Variants in ARMH3 observed in about 807,000 individuals in gnomAD.
ARMH3 encodes armadillo-like helical domain-containing protein 3.
In ARMH3, 60 loss-of-function variants were observed where a neutral mutation model predicts 99.1. The ratio of observed to expected loss-of-function variants is 0.61; its 90% CI spans 0.49 to 0.75. ARMH3 has a LOEUF of 0.75. Ranked by LOEUF, ARMH3 falls within the 30% of genes least tolerant of loss-of-function variation. The pLI is 0.00. For synonymous variants in ARMH3, 285 were observed against 292.8 expected, an observed-to-expected ratio of 0.97 and a Z score of 0.27; for missense variants, 679 against 843.1, an observed-to-expected ratio of 0.81 and a Z score of 2.41.
At chr10:101,881,347 A>ACAC (rs1371916332) in intron 24 of ARMH3, among the ~76,000 whole-genome samples, 1 of 152,158 alleles carries the variant, frequency 6.6e-6, no homozygotes, top group Non-Finnish European at 1.5e-5. Context: ...GTTGAAAAGA[A>ACAC]CACCACCTTC....
Position 102,001,977 on chromosome 10 carries a change from T to C in ARMH3, c.1144A>G (p.Thr382Ala). 1 of 1,614,128 alleles carries C rather than the reference T, an allele frequency of 6.2e-7. No individual in the cohort carries two copies. The highest frequency in any genetic ancestry group is 8.5e-7 in the Non-Finnish European group (1 of 1,179,978). ...CAAAATAGCTATGGCTTACCTTTGG[T>C]GTCCTGCATGACAATTGAGCTATAC... is the stretch of plus-strand genomic sequence containing the variant. ...LKYSSIVMQD[T>A]KDEHRLHSGK... Residue 382 changes from threonine (T) to alanine (A), a missense_variant, in exon 15 of 26, where the codon ACC becomes GCC. Around this residue, in one of 3 missense-constraint regions of ARMH3, gnomAD observed 389 missense variants for 456.5 expected, o/e 0.85. Transcript: ENST00000370033.
At chr10:102,023,377 T>C in intron 8 of ARMH3, 100 bp downstream of exon 8, 1 of 1,060,988 alleles carries the variant, frequency 9.4e-7, no homozygotes, top group Non-Finnish European at 1.4e-6. Flanking sequence ...ATATACCATT[T>C]ACCAAGAACG....
At chr10:102,006,308 C>G (rs1474780844) in intron 14 of ARMH3, among the ~76,000 whole-genome samples, 1 of 152,234 alleles carries the variant, frequency 6.6e-6, no homozygotes, top group African/African-American at 2.4e-5. Context: ...TACAACTACT[C>G]CCTGAGGAGG....
chr10:101,869,294 C>T (rs899522556), intron 24 of ARMH3, among the ~76,000 whole-genome samples: 2 of 97,074 alleles, frequency 2.1e-5, no homozygotes, highest in Non-Finnish European at 4.4e-5. Flanking sequence ...GAAAACAACT[C>T]AACAACAAGG....
At chr10:101,951,863 G>A (rs1174139488) in intron 22 of ARMH3, among the ~76,000 whole-genome samples, 3 of 131,468 alleles carry the variant, frequency 2.3e-5, no homozygotes, top group Middle Eastern at 3.6e-3. Flanking sequence ...GCGAGACTCC[G>A]TCTCAAAAAA....
At chr10:101,933,315 GA>G (rs1170750696) in intron 23 of ARMH3, among the ~76,000 whole-genome samples, 1 of 152,172 alleles carries the variant, frequency 6.6e-6, no homozygotes, top group Non-Finnish European at 1.5e-5. Context: ...AGGGGGTTTA[GA>G]TGCTAAAGTC....
intron 23 of ARMH3, among the ~76,000 whole-genome samples, chr10:101,920,198 G>A (rs907093721): frequency 6.6e-6 from 1 of 152,240 alleles, no homozygotes; most frequent in Non-Finnish European, 1.5e-5. Context: ...AGTTGCTGCT[G>A]TAGTGTGGCC....
At chr10:102,048,600 T>C (rs2067614514) in intron 1 of ARMH3, among the ~76,000 whole-genome samples, 1 of 151,952 alleles carries the variant, frequency 6.6e-6, no homozygotes, top group African/African-American at 2.4e-5. Context: ...CTAATTTTAG[T>C]ATTTTTTTGT....
intron 14 of ARMH3, among the ~76,000 whole-genome samples, chr10:102,002,885 C>T (rs1039118968): frequency 2.0e-5 from 3 of 151,370 alleles, no homozygotes; most frequent in South Asian, 4.2e-4. Context: ...TGCTTGAAAC[C>T]GGGAGGCGGA....
Position 102,012,819 on chromosome 10 carries a change from A to G in ARMH3, c.770+14T>C. On this transcript the variant is annotated intron_variant, in intron 10 of 25. Transcript: ENST00000370033. ...AAAATCAGACCCCCTTCCATTCTGGAAAGGTGGACTTACCTGTTGTACTCA... is the reference window on the plus strand; with the variant it reads ...AAAATCAGACCCCCTTCCATTCTGGGAAGGTGGACTTACCTGTTGTACTCA... The G allele has an allele frequency of 1.2e-6, 2 of 1,604,496 alleles. No homozygotes were observed. The highest frequency in any genetic ancestry group is 8.5e-7 in the Non-Finnish European group (1 of 1,173,966).
intron 19 of ARMH3, 77 bp from the exon 20 acceptor site, chr10:101,975,377 C>G (rs180715838): frequency 3.4e-6 from 4 of 1,163,850 alleles, no homozygotes; most frequent in Non-Finnish European, 5.1e-6. Context: ...TCTTAGTGAG[C>G]CAGCTTTGCT....
intron 14 of ARMH3, among the ~76,000 whole-genome samples, chr10:102,004,506 G>A (rs2066438926): frequency 6.6e-6 from 1 of 152,156 alleles, no homozygotes. Flanking sequence ...AAAGCTCACT[G>A]GTTGTAGGTA....
At position 101,959,114 on chromosome 10, in the gene ARMH3, T is replaced by G. The variant is rs145179338; in HGVS notation, c.1496-1382A>C. ...AAGGCAAATGATAGGCAGCTGGCCC[T>G]TTTAATGGTGTCTGTTAAGTGATCA... On this transcript the variant is annotated intron_variant, in intron 20 of 25. Coordinates refer to ENST00000370033, the MANE Select transcript of ARMH3 (RefSeq NM_024541.3). 3.9e-4 allele frequency among the ~76,000 whole-genome samples: 60 copies of G among 152,336 alleles called. 1 individual carries two copies. In the East Asian group the frequency reaches 0.01, roughly 26 times the overall value.
intron 2 of ARMH3, 83 bp downstream of exon 2, chr10:102,039,930 A>G: frequency 7.7e-7 from 1 of 1,290,788 alleles, no homozygotes. Context: ...ACCTGAAGGT[A>G]GCAGGCAGAG....
intron 24 of ARMH3, among the ~76,000 whole-genome samples, chr10:101,855,227 C>T (rs1418983023): frequency 1.4e-5 from 2 of 142,256 alleles, no homozygotes; most frequent in Non-Finnish European, 3.1e-5. Flanking sequence ...GCCACCACTC[C>T]TGGCTAATTT....
At chr10:101,870,559 T>A (rs2067109828) in intron 24 of ARMH3, among the ~76,000 whole-genome samples, 1 of 152,218 alleles carries the variant, frequency 6.6e-6, no homozygotes. Context: ...AACTTTACTA[T>A]ATGTTTGAAA....
chr10:101,948,505 G>A (rs541237596), intron 22 of ARMH3, among the ~76,000 whole-genome samples: 2 of 152,180 alleles, frequency 1.3e-5, no homozygotes, highest in South Asian at 4.2e-4. Context: ...ATACTACCTG[G>A]GTGAAGGAGG....
At chr10:101,995,276 C>T (rs748329904) in intron 16 of ARMH3, 21 bp downstream of exon 16, 1 of 1,607,088 alleles carries the variant, frequency 6.2e-7, no homozygotes, top group Admixed American at 1.7e-5. Flanking sequence ...TGCCTAATAG[C>T]AGAAGGCTCG....
At chr10:101,914,131 G>C (rs1279448745) in intron 23 of ARMH3, among the ~76,000 whole-genome samples, 1 of 152,142 alleles carries the variant, frequency 6.6e-6, no homozygotes, top group Non-Finnish European at 1.5e-5. Flanking sequence ...TGGATGAAGT[G>C]CTGTGTATCT....
Sources: allele counts gnomAD v4.1 joint callset (sites outside exome capture counted in the v4.1 genomes callset), GRCh38; gene constraint gnomAD v4.1.1; regional missense constraint gnomAD v4.1.1; transcripts MANE v1.5; gene names NCBI Gene and HGNC (gene_info 2026-07-23, HGNC 2026-07-21).